Variants in CCDC171 observed in about 807,000 individuals in gnomAD.
CCDC171 encodes the protein coiled-coil domain-containing protein 171.
Under a neutral mutation model 168.2 loss-of-function variants are expected in CCDC171, and 177 were observed. That is an observed-to-expected ratio of 1.05 (90% CI 0.93 to 1.19). CCDC171 has a LOEUF of 1.19. Ranked by LOEUF, CCDC171 falls within the 50% of genes most tolerant of loss-of-function variation. The pLI, the probability that CCDC171 is intolerant of heterozygous loss-of-function variation, is 0.00. For synonymous variants in CCDC171, 687 were observed against 540.8 expected (o/e 1.27, Z -3.75); for missense variants, 1,991 against 1,539.0 (o/e 1.29, Z -4.91).
chr9:15,968,333 T>C (rs3008749), intron 25 of CCDC171, among the ~76,000 whole-genome samples: 80,261 of 152,016 alleles, frequency 0.53, 22,506 homozygotes, highest in African/African-American at 0.73. Flanking sequence ...AATATAAGAT[T>C]GGGTGGTGAA....
At chr9:15,602,857 C>G (rs1400964475) in intron 6 of CCDC171, among the ~76,000 whole-genome samples, 1 of 151,982 alleles carries the variant, frequency 6.6e-6, no homozygotes, top group Non-Finnish European at 1.5e-5. Context: ...GGAGTTTTGC[C>G]AGGTTGGCAA....
In CCDC171 at chr9:15,744,485, T is replaced by C; in HGVS notation, c.2262T>C (p.Phe754=). The C allele has an allele frequency of 6.2e-7, 1 of 1,614,144 alleles. No individual in the cohort carries two copies. The highest frequency in any genetic ancestry group is 1.3e-5 in the African/African-American group (1 of 75,028). Residue 754 remains phenylalanine, a synonymous_variant, in exon 17 of 26, where the codon TTT becomes TTC. Transcript: ENST00000380701. ...GCGCCTTGTCTACACAGAGAGATTT[T>C]CTCCAGGAGCAGGTCAACACCTTTG... ...RSCALSTQRD[F]LQEQVNTFEL... is the part of the protein sequence containing the mutation.
At chr9:15,577,460 C>T (rs1052069181) in intron 3 of CCDC171, among the ~76,000 whole-genome samples, 2 of 152,190 alleles carry the variant, frequency 1.3e-5, no homozygotes, top group African/African-American at 4.8e-5. Flanking sequence ...ATTTAAAGAA[C>T]TGTGATCCCA....
intron 16 of CCDC171, among the ~76,000 whole-genome samples, chr9:15,735,984 G>A (rs916119082): frequency 1.3e-5 from 2 of 152,040 alleles, no homozygotes; most frequent in Admixed American, 1.3e-4. Flanking sequence ...TATTTTGTAT[G>A]TCTCTCCTTA....
intron 25 of CCDC171, among the ~76,000 whole-genome samples, chr9:15,945,402 G>T (rs1358782799): frequency 6.6e-6 from 1 of 150,432 alleles, no homozygotes. Context: ...CCCAGTAATG[G>T]GATGGCTGGG....
chr9:15,754,620 T>A (rs2055981052), intron 18 of CCDC171, among the ~76,000 whole-genome samples: 1 of 152,156 alleles, frequency 6.6e-6, no homozygotes, highest in Non-Finnish European at 1.5e-5. Flanking sequence ...GAGGCAATAC[T>A]TTAGGGTTAA....
chr9:15,634,357 T>C (rs1161451121), intron 7 of CCDC171, among the ~76,000 whole-genome samples: 1 of 152,188 alleles, frequency 6.6e-6, no homozygotes, highest in African/African-American at 2.4e-5. Context: ...TACAAAGGGA[T>C]ATCTGCTAGT....
chr9:16,045,541 G>A (rs1833647670), intron 1 of CCDC171, among the ~76,000 whole-genome samples: 1 of 152,106 alleles, frequency 6.6e-6, no homozygotes, highest in African/African-American at 2.4e-5. Flanking sequence ...ACTCCCAGGG[G>A]GACAAAACTC....
chr9:15,813,261 T>C (rs1480112043), intron 21 of CCDC171, among the ~76,000 whole-genome samples: 1 of 152,246 alleles, frequency 6.6e-6, no homozygotes, highest in Non-Finnish European at 1.5e-5. Flanking sequence ...TTGTCTTACC[T>C]TTCTGGCATA....
At chr9:15,907,826 C>A (rs192315506) in intron 24 of CCDC171, among the ~76,000 whole-genome samples, 46 of 152,108 alleles carry the variant, frequency 3.0e-4, no homozygotes, top group African/African-American at 1.1e-3. Flanking sequence ...AAAACAACCC[C>A]ATCAAAAAGT....
intron 21 of CCDC171, among the ~76,000 whole-genome samples, chr9:15,809,954 T>C (rs1403593748): frequency 6.6e-6 from 1 of 152,178 alleles, no homozygotes; most frequent in Non-Finnish European, 1.5e-5. Context: ...AGAGAGCTGA[T>C]TGGTCCGTTT....
At chr9:15,652,449 CTTT>C (rs796300179) in intron 7 of CCDC171, among the ~76,000 whole-genome samples, 2 of 142,328 alleles carry the variant, frequency 1.4e-5, no homozygotes. Context: ...ATTATTGTAG[CTTT>C]TTTTTTTTTT....
intron 3 of CCDC171, among the ~76,000 whole-genome samples, chr9:15,576,147 G>A (rs1249023240): frequency 6.6e-6 from 1 of 151,082 alleles, no homozygotes; most frequent in Non-Finnish European, 1.5e-5. Context: ...GTGTGTGTGT[G>A]TGTGTGTGTG....
intron 25 of CCDC171, among the ~76,000 whole-genome samples, chr9:15,945,329 G>T (rs1292644142): frequency 6.9e-6 from 1 of 145,828 alleles, no homozygotes. Flanking sequence ...GAATAATGCC[G>T]CAATAAACAT....
chr9:15,802,731 C>T lies in CCDC171; in HGVS notation c.3267+18037C>T, dbSNP rs569346151. ...TGCAATGAACATATGCATGCATGTG[C>T]CTTTATAATAGAACAATTTATATTC... is the stretch of plus-strand genomic sequence containing the variant. On this transcript the variant is annotated intron_variant, in intron 21 of 25. Coordinates refer to ENST00000380701, the MANE Select transcript of CCDC171 (RefSeq NM_173550.4). Among the ~76,000 whole-genome samples, 6 of 152,066 alleles carry T rather than the reference C, an allele frequency of 3.9e-5. No homozygotes were observed. The East Asian group carries it at 1.2e-3, about 29-fold the overall frequency.
chr9:15,774,246 T>TAAA lies in CCDC171; in HGVS notation c.2672-3325_2672-3323dup, dbSNP rs56239417. Among the ~76,000 whole-genome samples, 186 of 38,018 alleles carry TAAA rather than the reference T, an allele frequency of 4.9e-3. 2 individuals carry two copies. Among genetic ancestry groups the TAAA allele is most frequent in the Non-Finnish European group, 7.2e-3 (159 of 21,956 alleles). 24.9% of individuals were successfully genotyped at this position (38,018 alleles called of 152,430 possible). A position where few individuals can be genotyped will look rare whatever the true frequency, so the allele number is the denominator to read the frequency against. On this transcript the variant is annotated intron_variant, in intron 18 of 25. Coordinates refer to ENST00000380701, the MANE Select transcript of CCDC171 (RefSeq NM_173550.4). ...GGGTGACAGAGCAAGACGCTGTCTT[T>TAAA]AAAAAAAAAAAAAAAAAAAAAAAAA...
chr9:15,623,704 T>C (rs942520248), intron 7 of CCDC171, among the ~76,000 whole-genome samples: 1 of 152,180 alleles, frequency 6.6e-6, no homozygotes, highest in African/African-American at 2.4e-5. Flanking sequence ...TTTGGGAAGT[T>C]TGAGAGTAAT....
At position 15,872,905 on chromosome 9, in the gene CCDC171, G is replaced by T. The variant is rs78676883; in HGVS notation, c.3469-1627G>T. Among the ~76,000 whole-genome samples the T allele has an allele frequency of 8.3e-3, 1,258 of 152,120 alleles. 13 individuals carry two copies. Among genetic ancestry groups the T allele is most frequent in the African/African-American group, 0.029 (1,189 of 41,540 alleles). Reference sequence around the variant, plus strand: ...AAATATAAAACCTAAAACAAATGTAGTTGTAAAATACGATTTGTTTTGTTA... The same window carrying T: ...AAATATAAAACCTAAAACAAATGTATTTGTAAAATACGATTTGTTTTGTTA... On this transcript the variant is annotated intron_variant, in intron 23 of 25. Coordinates refer to ENST00000380701, the MANE Select transcript of CCDC171 (RefSeq NM_173550.4).
At chr9:15,955,009 T>C (rs2132536605) in intron 25 of CCDC171, among the ~76,000 whole-genome samples, 1 of 152,250 alleles carries the variant, frequency 6.6e-6, no homozygotes, top group South Asian at 2.1e-4. Flanking sequence ...TTGTGATTTT[T>C]TTTGCTGTTG....
Sources: gnomAD v4.1 joint callset for allele counts (sites outside exome capture counted in the v4.1 genomes callset) on GRCh38, gnomAD v4.1.1 for gene constraint, MANE v1.5 for transcripts, NCBI Gene and HGNC (gene_info 2026-07-23, HGNC 2026-07-21) for gene names.